The following UNC5D variants were observed in gnomAD, a reference collection of about 807,000 sequenced individuals.
UNC5D encodes unc-5 netrin receptor D.
A neutral mutation model predicts 105.4 loss-of-function variants in UNC5D; 39 were observed. The observed-to-expected ratio is 0.37, with a 90% CI of 0.29 to 0.48. The LOEUF is 0.48. Among genes scored for constraint, UNC5D ranks in the 20% least tolerant of loss-of-function variants. The probability of loss-of-function intolerance (pLI) is 0.98; values close to 1 mark genes in which losing one functional copy is unlikely to be tolerated. For synonymous variants in UNC5D, 452 were observed against 450.4 expected, an observed-to-expected ratio of 1.00 and a Z score of -0.04; for missense variants, 991 against 1,202.4, an observed-to-expected ratio of 0.82 and a Z score of 2.60.
intron 7 of UNC5D, among the ~76,000 whole-genome samples, chr8:35,691,557 A>G (rs1186782029): frequency 6.6e-6 from 1 of 152,226 alleles, no homozygotes; most frequent in Non-Finnish European, 1.5e-5. Flanking sequence ...GGGCAATAAC[A>G]GTGAATCCAC....
At chr8:35,383,954 C>T (rs747234165) in intron 1 of UNC5D, among the ~76,000 whole-genome samples, 19 of 151,802 alleles carry the variant, frequency 1.3e-4, no homozygotes, top group Non-Finnish European at 1.5e-4. Flanking sequence ...CGGTGGCTCA[C>T]GCCTGTCATC....
chr8:35,429,586 G>T (rs1806486438), intron 1 of UNC5D, among the ~76,000 whole-genome samples: 1 of 151,964 alleles, frequency 6.6e-6, no homozygotes, highest in Admixed American at 6.6e-5. Flanking sequence ...TAGAGGAAAT[G>T]AGTTATTTAA....
intron 7 of UNC5D, among the ~76,000 whole-genome samples, chr8:35,691,233 T>C (rs1826368021): frequency 6.6e-6 from 1 of 152,112 alleles, no homozygotes; most frequent in Non-Finnish European, 1.5e-5. Flanking sequence ...CCTTTTATGC[T>C]AGCAGGTGGG....
chr8:35,648,701 A>AG (rs1473617839), intron 4 of UNC5D, among the ~76,000 whole-genome samples: 3 of 150,606 alleles, frequency 2.0e-5, no homozygotes, highest in Admixed American at 6.6e-5. Context: ...AAAAAAAAAA[A>AG]GGAGAGAGAT....
intron 1 of UNC5D, among the ~76,000 whole-genome samples, chr8:35,387,786 C>T (rs1392262427): frequency 6.6e-6 from 1 of 152,028 alleles, no homozygotes; most frequent in African/African-American, 2.4e-5. Flanking sequence ...AGAGACAGTG[C>T]CTGGGATCCA....
chr8:35,342,987 G>A (rs1811560761), intron 1 of UNC5D, among the ~76,000 whole-genome samples: 1 of 152,046 alleles, frequency 6.6e-6, no homozygotes, highest in Non-Finnish European at 1.5e-5. Flanking sequence ...TAAGTTTAGT[G>A]TACATCAGAA....
intron 4 of UNC5D, among the ~76,000 whole-genome samples, chr8:35,599,221 T>A (rs1819683799): frequency 7.0e-6 from 1 of 141,980 alleles, no homozygotes; most frequent in South Asian, 2.3e-4. Context: ...GTTGCGGAGA[T>A]GGGGAGAGGT....
At chr8:35,651,390 G>T (rs894155933) in intron 4 of UNC5D, among the ~76,000 whole-genome samples, 3 of 152,200 alleles carry the variant, frequency 2.0e-5, no homozygotes. Context: ...AATAAAAAGA[G>T]AGGTAAACAC....
intron 1 of UNC5D, among the ~76,000 whole-genome samples, chr8:35,421,234 T>A (rs1047851475): frequency 2.6e-5 from 4 of 152,188 alleles, no homozygotes; most frequent in Non-Finnish European, 5.9e-5. Context: ...AAGCCAAACA[T>A]GACTTCTTGG....
intron 1 of UNC5D, among the ~76,000 whole-genome samples, chr8:35,368,525 A>C (rs929008321): frequency 2.0e-5 from 3 of 151,702 alleles, no homozygotes; most frequent in African/African-American, 7.3e-5. Flanking sequence ...AATATAAATT[A>C]AAATTTTACT....
At chr8:35,613,423 T>C (rs1820823307) in intron 4 of UNC5D, among the ~76,000 whole-genome samples, 1 of 152,204 alleles carries the variant, frequency 6.6e-6, no homozygotes, top group African/African-American at 2.4e-5. Context: ...CCTTTCCCCA[T>C]GGTGTGTTTC....
At chr8:35,413,292 T>TGTTGTG (rs56157732) in intron 1 of UNC5D, among the ~76,000 whole-genome samples, 6,800 of 127,924 alleles carry the variant, frequency 0.053, 348 homozygotes, top group East Asian at 0.24. Flanking sequence ...TGTGTGTGTG[T>TGTTGTG]TGTGTGTGTG....
At chr8:35,482,404 C>T (rs544449252) in intron 1 of UNC5D, among the ~76,000 whole-genome samples, 2 of 152,280 alleles carry the variant, frequency 1.3e-5, no homozygotes, top group South Asian at 2.1e-4. Flanking sequence ...CCGAAGCCTA[C>T]GTGCTGACAT....
chr8:35,405,836 G>A (rs891241113), intron 1 of UNC5D, among the ~76,000 whole-genome samples: 1 of 151,990 alleles, frequency 6.6e-6, no homozygotes, highest in African/African-American at 2.4e-5. Flanking sequence ...TCCTTTTAGT[G>A]TGCTGCACTG....
chr8:35,760,583 C>G (rs527505013), intron 14 of UNC5D, among the ~76,000 whole-genome samples: 7 of 152,220 alleles, frequency 4.6e-5, no homozygotes, highest in Admixed American at 4.6e-4. Context: ...GCTAGCTAGC[C>G]TACCATAGTT....
At chr8:35,273,669 T>G (rs1383163872) in intron 1 of UNC5D, among the ~76,000 whole-genome samples, 1 of 152,204 alleles carries the variant, frequency 6.6e-6, no homozygotes, top group Non-Finnish European at 1.5e-5. Flanking sequence ...AAGATACTCA[T>G]TTTAATTTCA....
intron 10 of UNC5D, among the ~76,000 whole-genome samples, chr8:35,728,264 TTC>T (rs1210970614): frequency 1.3e-5 from 2 of 151,848 alleles, no homozygotes; most frequent in Non-Finnish European, 2.9e-5. Context: ...GCATCCTCCT[TTC>T]TTAGTGTATG....
chr8:35,485,710 T>C (rs149566750), intron 1 of UNC5D, among the ~76,000 whole-genome samples: 4 of 152,290 alleles, frequency 2.6e-5, no homozygotes, highest in African/African-American at 9.6e-5. Flanking sequence ...GTTCCCCCTT[T>C]TGCTAGCAGT....
intron 4 of UNC5D, among the ~76,000 whole-genome samples, chr8:35,676,850 G>A (rs1034760836): frequency 6.6e-6 from 1 of 151,674 alleles, no homozygotes; most frequent in Non-Finnish European, 1.5e-5. Flanking sequence ...GAAGTCTGGT[G>A]TATTGTGGTT....
Sources: allele counts gnomAD v4.1 joint callset (sites outside exome capture counted in the v4.1 genomes callset), GRCh38; gene constraint gnomAD v4.1.1; transcripts MANE v1.5; gene names NCBI Gene and HGNC (gene_info 2026-07-23, HGNC 2026-07-21).